Variants in FAM20B observed in about 807,000 individuals in gnomAD.
The protein encoded by FAM20B is glycosaminoglycan xylosylkinase.
Under a neutral mutation model 43.8 loss-of-function variants are expected in FAM20B, and 23 were observed. The ratio of observed to expected loss-of-function variants is 0.53; its 90% CI spans 0.38 to 0.74. FAM20B has a LOEUF of 0.74. Among genes scored for constraint, FAM20B ranks in the 30% least tolerant of loss-of-function variants. The pLI, the probability that FAM20B is intolerant of heterozygous loss-of-function variation, is 0.00. For synonymous variants in FAM20B, 178 were observed against 192.4 expected (o/e 0.93, Z 0.62); for missense variants, 440 against 510.5 (o/e 0.86, Z 1.33).
intron 4 of FAM20B, among the ~76,000 whole-genome samples, chr1:179,058,219 G>C (rs986585478): frequency 2.6e-5 from 4 of 152,132 alleles, no homozygotes; most frequent in Non-Finnish European, 5.9e-5. Context: ...TTCAAACTAT[G>C]ATTATAAATA....
upstream of FAM20B, among the ~76,000 whole-genome samples, chr1:179,021,351 T>C (rs1023055467): frequency 6.6e-6 from 1 of 152,188 alleles, no homozygotes; most frequent in South Asian, 2.1e-4. Flanking sequence ...CCAATATGCC[T>C]GTGGTACCAT....
At chr1:179,066,735 T>C (rs374021912) in intron 6 of FAM20B, 65 bp from the exon 7 acceptor site, 163 of 1,082,142 alleles carry the variant, frequency 1.5e-4, no homozygotes, top group Non-Finnish European at 2.2e-4. Context: ...AATTTGCTAT[T>C]GCTTTGATGC....
intron 7 of FAM20B, among the ~76,000 whole-genome samples, chr1:179,070,629 A>T (rs531520721): frequency 7.2e-6 from 1 of 138,098 alleles, no homozygotes; most frequent in Admixed American, 8.1e-5. Flanking sequence ...GGTTCAAGTG[A>T]TTCTTGTGCC....
rs1202056913 is a variant in FAM20B at position 179,075,451 on chromosome 1, T to A, written c.*3307T>A. The A allele has an allele frequency of 1.3e-5, 2 of 152,554 alleles. No individual in the cohort carries two copies. The highest frequency in any genetic ancestry group is 4.8e-5 in the African/African-American group (2 of 41,430). The allele number at this position is 152,554 out of a possible 1,614,324, so 9.5% of individuals were successfully genotyped here. On this transcript the variant is annotated 3_prime_UTR_variant, in exon 8 of 8. Transcript: ENST00000263733. ...ATTCTAAAGTTCGAATGGATAAATT[T>A]GAGTATAAAGGTTTTGTTATAAAAC... is the stretch of plus-strand genomic sequence containing the variant.
the FAM20B span, among the ~76,000 whole-genome samples, chr1:179,019,776 T>C: frequency 1.3e-5 from 2 of 152,160 alleles, no homozygotes; most frequent in African/African-American, 4.8e-5. Flanking sequence ...CCCTTTCTTG[T>C]GCATTGCCAT....
chr1:179,044,100 G>C lies in FAM20B; in HGVS notation c.253G>C (p.Gly85Arg), dbSNP rs1169166204. Residue 85 changes from glycine (G) to arginine (R), a missense_variant, in exon 2 of 8, where the codon GGG becomes CGG. Physicochemically the swap from Gly to Arg is moderately radical, Grantham distance 125. Coordinates refer to ENST00000263733, the MANE Select transcript of FAM20B (RefSeq NM_014864.4). ...GTACCCTGAAGAGACACCAGAGCTG[G>C]GGGCAGTCATGCATGCCATGGCCAC... ...EVYPEETPEL[G>R]AVMHAMATKK... The C allele has an allele frequency of 6.2e-7, 1 of 1,614,122 alleles. No individual in the cohort carries two copies.
At chr1:179,023,236 G>A (rs1649634790), upstream of FAM20B, among the ~76,000 whole-genome samples, 1 of 152,196 alleles carries the variant, frequency 6.6e-6, no homozygotes, top group Admixed American at 6.5e-5. Flanking sequence ...CTTGGCTGGA[G>A]GGGGACAGCC....
chr1:179,024,229 C>A (rs1373952382), upstream of FAM20B, among the ~76,000 whole-genome samples: 1 of 152,146 alleles, frequency 6.6e-6, no homozygotes, highest in Non-Finnish European at 1.5e-5. Flanking sequence ...GCAATGACTG[C>A]CCCCTGCCCT....
rs114490101 is a variant in FAM20B at position 179,059,528 on chromosome 1, C to G, written c.575-4399C>G. Among the ~76,000 whole-genome samples the G allele has an allele frequency of 4.9e-3, 743 of 152,270 alleles. 6 individuals are homozygous for G. Among genetic ancestry groups the G allele is most frequent in the African/African-American group, 0.017 (719 of 41,548 alleles). ...CCTGACCTCAGACCCCACATTCTCCCTTCTAGTTATGAAGATTCTTACTTA... is the reference window on the plus strand; with the variant it reads ...CCTGACCTCAGACCCCACATTCTCCGTTCTAGTTATGAAGATTCTTACTTA... On this transcript the variant is annotated intron_variant, in intron 4 of 7. Transcript: ENST00000263733.
chr1:179,042,960 G>A (rs58726191), intron 1 of FAM20B, among the ~76,000 whole-genome samples: 3,637 of 152,226 alleles, frequency 0.024, 100 homozygotes, highest in East Asian at 0.073. Flanking sequence ...TGTGGTTTGC[G>A]GACTCTTAAC....
intron 2 of FAM20B, among the ~76,000 whole-genome samples, chr1:179,047,907 T>C (rs1297574828): frequency 6.6e-6 from 1 of 152,244 alleles, no homozygotes; most frequent in Non-Finnish European, 1.5e-5. Flanking sequence ...GATCACTCTC[T>C]GGTAAGAGAA....
At chr1:179,040,320 C>T (rs902580797) in intron 1 of FAM20B, among the ~76,000 whole-genome samples, 4 of 151,702 alleles carry the variant, frequency 2.6e-5, no homozygotes, top group East Asian at 1.9e-4. Flanking sequence ...CGGGCAGAGG[C>T]GCCCCTCACC....
intron 2 of FAM20B, among the ~76,000 whole-genome samples, chr1:179,047,430 T>C (rs1650818131): frequency 6.6e-6 from 1 of 152,220 alleles, no homozygotes; most frequent in African/African-American, 2.4e-5. Context: ...GTCAAGCCCC[T>C]GACTGTCTGG....
intron 1 of FAM20B, among the ~76,000 whole-genome samples, chr1:179,040,481 G>GC (rs1650445484): frequency 6.7e-6 from 1 of 149,232 alleles, no homozygotes; most frequent in African/African-American, 2.5e-5. Flanking sequence ...GGCTAGCCGG[G>GC]CGGGGGGCTG....
chr1:179,027,775 C>T (rs141383700), intron 1 of FAM20B, among the ~76,000 whole-genome samples: 2 of 152,310 alleles, frequency 1.3e-5, no homozygotes, highest in African/African-American at 4.8e-5. Flanking sequence ...TTCTCTAGAA[C>T]TGGTAGGACA....
At chr1:179,033,305 A>G (rs1041708576) in intron 1 of FAM20B, among the ~76,000 whole-genome samples, 6 of 152,304 alleles carry the variant, frequency 3.9e-5, no homozygotes, top group Middle Eastern at 3.4e-3. Flanking sequence ...TTGAGAATCT[A>G]TTTCTTCTTG....
chr1:179,068,730 G>A (rs1179610040), intron 7 of FAM20B, among the ~76,000 whole-genome samples: 2 of 152,094 alleles, frequency 1.3e-5, no homozygotes, highest in Non-Finnish European at 1.5e-5. Flanking sequence ...CACTGCGCCC[G>A]ACCCAATATA....
chr1:179,031,354 G>A lies in FAM20B; in HGVS notation c.-134+5256G>A, dbSNP rs191578969. On this transcript the variant is annotated intron_variant, in intron 1 of 7. Coordinates refer to ENST00000263733, the MANE Select transcript of FAM20B (RefSeq NM_014864.4). Reference sequence around the variant, plus strand: ...TTCCACGTAGTGTCAAGATTACTGCGTGTGTTGGTTTTTTAGAACAGAACT... The same window carrying A: ...TTCCACGTAGTGTCAAGATTACTGCATGTGTTGGTTTTTTAGAACAGAACT... Among the ~76,000 whole-genome samples, 163 of 152,292 alleles carry A rather than the reference G, an allele frequency of 1.1e-3. 1 individual carries two copies. The highest frequency in any genetic ancestry group is 3.7e-3 in the African/African-American group (154 of 41,564).
intron 7 of FAM20B, among the ~76,000 whole-genome samples, chr1:179,070,515 CTTTTTTT>C (rs61169246): frequency 2.1e-4 from 12 of 57,752 alleles, no homozygotes; most frequent in Admixed American, 5.5e-4. Flanking sequence ...CTGAACTCGC[CTTTTTTT>C]TTTTTTTTTT....
Sources: allele counts gnomAD v4.1 joint callset (sites outside exome capture counted in the v4.1 genomes callset), GRCh38; gene constraint gnomAD v4.1.1; transcripts MANE v1.5; gene names NCBI Gene and HGNC (gene_info 2026-07-23, HGNC 2026-07-21).